Variants in AQP3 observed in about 807,000 individuals in gnomAD.
The protein encoded by AQP3 is aquaporin-3.
A neutral mutation model predicts 30.3 loss-of-function variants in AQP3; 15 were observed. The ratio of observed to expected loss-of-function variants is 0.49; its 90% confidence interval spans 0.33 to 0.76. AQP3 has a LOEUF of 0.76. Among genes scored for constraint, AQP3 ranks in the 30% least tolerant of loss-of-function variants. The pLI is 0.02. For synonymous variants in AQP3, 153 were observed against 163.2 expected (o/e 0.94, Z 0.47); for missense variants, 272 against 384.8 (o/e 0.71, Z 2.45).
intron 1 of AQP3, 115 bp downstream of exon 1, chr9:33,447,308 C>G (rs517210): frequency 0.72 from 658,574 of 921,074 alleles, 236,991 homozygotes; most frequent in Admixed American, 0.81. Flanking sequence ...GTGGGGGTCA[C>G]AGCTGGGGAG....
chr9:33,444,486 G>A (rs1433545504), intron 1 of AQP3, among the ~76,000 whole-genome samples: 1 of 151,948 alleles, frequency 6.6e-6, no homozygotes, highest in Non-Finnish European at 1.5e-5. Flanking sequence ...TGTAATCCCA[G>A]CTACTCGGGA....
Position 33,443,351 on chromosome 9 carries a change from C to T in AQP3, c.343G>A (p.Gly115Ser). Residue 115 changes from glycine (G) to serine (S), a missense_variant, in exon 3 of 6, where the codon GGT (glycine) becomes AGT (serine). Gly to Ser is a moderately conservative substitution (Grantham distance 56, BLOSUM62 0). Transcript: ENST00000297991. This position sits in a 1 kb window ranked among gnomAD's most constrained non-coding sequence, Gnocchi z 5.0. ...TACAGCCCAAAAACTATTCCAGCAC[C>T]CAAGAAGGCTCCCAGCGTCTGTGCC... is the stretch of plus-strand genomic sequence containing the variant. Reference protein sequence around the residue: ...TLAQTLGAFLGAGIVFGLYYD... With the variant: ...TLAQTLGAFLSAGIVFGLYYD... 6.3e-7 allele frequency: 1 copy of T among 1,590,626 alleles called. No individual in the cohort carries two copies. Among genetic ancestry groups the T allele is most frequent in the Non-Finnish European group, 8.6e-7 (1 of 1,168,508 alleles).
intron 1 of AQP3, among the ~76,000 whole-genome samples, chr9:33,445,215 T>C (rs1197031021): frequency 2.6e-5 from 4 of 152,210 alleles, no homozygotes; most frequent in African/African-American, 9.6e-5. Context: ...AAAGCATTGT[T>C]GCCCTGAGCC....
Position 33,447,424 on chromosome 9 carries a change from A to T in AQP3, c.107T>A (p.Val36Glu), listed in dbSNP as rs758362320. ...GCTTCCCCGGCTCCCTCCACTCACC[A>T]CCAGGATGAGGGTCCCCAGGCACTC... ...LAECLGTLILVMFGCGSVAQV... is the reference protein window; with the variant it reads ...LAECLGTLILEMFGCGSVAQV... Residue 36 changes from valine (V) to glutamate (E), a missense_variant and splice_region_variant, in exon 1 of 6, where the codon GTG becomes GAG. By Grantham distance (121) the Val-to-Glu change is moderately radical (BLOSUM62 -2). Coordinates refer to ENST00000297991, the MANE Select transcript of AQP3 (RefSeq NM_004925.5). 6 of 1,598,686 alleles carry T rather than the reference A, an allele frequency of 3.8e-6. No individual in the cohort carries two copies. Among genetic ancestry groups the T allele is most frequent in the Non-Finnish European group, 5.1e-6 (6 of 1,172,926 alleles).
Position 33,447,426 on chromosome 9 carries a change from C to A in AQP3, c.105G>T (p.Leu35=), listed in dbSNP as rs591810. 7 of 1,598,448 alleles carry A rather than the reference C, an allele frequency of 4.4e-6. No homozygotes were observed. Among genetic ancestry groups the A allele is most frequent in the Middle Eastern group, 1.7e-4 (1 of 6,044 alleles). The change falls in exon 1 of 6, where the codon CTG becomes CTT. Residue 35 remains leucine (L), a synonymous_variant. Coordinates refer to ENST00000297991, the MANE Select transcript of AQP3 (RefSeq NM_004925.5). ...TTCCCCGGCTCCCTCCACTCACCAC[C>A]AGGATGAGGGTCCCCAGGCACTCGG... ...ALAECLGTLI[L]VMFGCGSVAQ...
At chr9:33,446,253 G>A (rs1826912348) in intron 1 of AQP3, among the ~76,000 whole-genome samples, 2 of 152,162 alleles carry the variant, frequency 1.3e-5, no homozygotes, top group Non-Finnish European at 1.5e-5. Flanking sequence ...CTAATCTTAT[G>A]GGAGGCTGTG....
At chr9:33,442,679 G>A (rs116517274) in intron 4 of AQP3, 161 bp from the exon 5 acceptor site, 9 of 1,064,084 alleles carry the variant, frequency 8.5e-6, no homozygotes, top group African/African-American at 4.7e-5. Context: ...ACAAGAACCC[G>A]CTGGAGAGCC....
At position 33,442,047 on chromosome 9, in the gene AQP3, A is replaced by T. The variant is rs1242784049; in HGVS notation, c.875T>A (p.Ile292Asn). ...GGGGAGATGGCCCCTGCCCACTCAG[A>T]TCTGCTCCTTGTGCTTCACATGGGC... ...KLAHVKHKEQ[I>N] Residue 292 changes from isoleucine to asparagine, a missense_variant, in exon 6 of 6, where the codon ATC becomes AAC. Physicochemically the swap from Ile to Asn is moderately radical, Grantham distance 149 (BLOSUM62 -3). This residue lies in a region of AQP3 where 51 missense variants were observed against 51.8 expected (regional missense o/e 0.98). Transcript: ENST00000297991. 3.7e-6 allele frequency: 6 copies of T among 1,613,582 alleles called. No homozygotes were observed. The highest frequency in any genetic ancestry group is 2.2e-5 in the South Asian group (2 of 91,004).
Position 33,443,175 on chromosome 9 carries a change from CT to C in AQP3, c.373+145del, listed in dbSNP as rs1453196074. The C allele has an allele frequency of 3.1e-6, 4 of 1,309,352 alleles. No homozygotes were observed. The highest frequency in any genetic ancestry group is 4.3e-6 in the Non-Finnish European group (4 of 934,996). The allele number at this position is 1,309,352 out of a possible 1,614,324, so 81.1% of individuals were successfully genotyped here. A position where few individuals can be genotyped will look rare whatever the true frequency, so the allele number is the denominator to read the frequency against. On this transcript the variant is annotated intron_variant, in intron 3 of 5. Transcript: ENST00000297991. This position sits in a 1 kb window ranked among gnomAD's most constrained non-coding sequence, Gnocchi z 5.0. ...ACTTGTTTCTTTCCCTTCGTGCCCC[CT>C]ACCTTGACCCTGTGCGTGAATGAGT...
rs764153051 is a variant in AQP3, at chr9:33,442,407, T to C, written c.604A>G (p.Ile202Val). Residue 202 changes from isoleucine to valine, a missense_variant, in exon 5 of 6, where the codon ATT (isoleucine) becomes GTT (valine). This residue lies in a region of AQP3 where 170 missense variants were observed against 286.4 expected (regional missense o/e 0.59). Transcript: ENST00000297991. ...AFTVGLVVLVIGTSMGFNSGY... is the reference protein window; with the variant it reads ...AFTVGLVVLVVGTSMGFNSGY... ...GAGTTGAAGCCCATGGAGGTGCCAA[T>C]GACCAGGACCACCAGGCCCACGGTG... 6.2e-7 allele frequency: 1 copy of C among 1,611,896 alleles called. No homozygotes were observed. Among genetic ancestry groups the C allele is most frequent in the Non-Finnish European group, 8.5e-7 (1 of 1,179,372 alleles).
In AQP3 at chr9:33,443,219, C is replaced by T; in HGVS notation, c.373+102G>A. On this transcript the variant is annotated intron_variant, in intron 3 of 5. Transcript: ENST00000297991. This position sits in a 1 kb window ranked among gnomAD's most constrained non-coding sequence, Gnocchi z 5.0. ...GAATGAGTGAGTCATGAGCCCGGGG[C>T]CTGGGCAGGTCCTAGCCGTCTGTCA... 1 of 1,488,128 alleles carries T rather than the reference C, an allele frequency of 6.7e-7. No homozygotes were observed. 92.2% of individuals were successfully genotyped at this position (1,488,128 alleles called of 1,614,324 possible).
Position 33,442,049 on chromosome 9 carries a change from C to A in AQP3, c.873G>T (p.Gln291His). The A allele has an allele frequency of 6.2e-7, 1 of 1,613,676 alleles. No homozygotes were observed. The highest frequency in any genetic ancestry group is 8.5e-7 in the Non-Finnish European group (1 of 1,179,938). The change falls in exon 6 of 6, where the codon CAG becomes CAT. Residue 291 changes from glutamine to histidine, a missense_variant. Physicochemically the swap from Gln to His is conservative, Grantham distance 24. Transcript: ENST00000297991. ...GGAGATGGCCCCTGCCCACTCAGAT[C>A]TGCTCCTTGTGCTTCACATGGGCCA... ...VKLAHVKHKE[Q>H]I is the part of the protein sequence containing the mutation.
Position 33,447,449 on chromosome 9 carries a change from C to T in AQP3, c.82G>A (p.Glu28Lys). Residue 28 changes from glutamate (E) to lysine (K), a missense_variant, in exon 1 of 6, where the codon GAG becomes AAG. Glu to Lys is a moderately conservative substitution (Grantham distance 56, BLOSUM62 1). Transcript: ENST00000297991. Reference protein sequence around the residue: ...RYRLLRQALAECLGTLILVMF... With the variant: ...RYRLLRQALAKCLGTLILVMF... ...ACCAGGATGAGGGTCCCCAGGCACT[C>T]GGCCAGCGCCTGTCGGAGCAGCCGG... The T allele has an allele frequency of 6.2e-7, 1 of 1,606,784 alleles. No homozygotes were observed. Among genetic ancestry groups the T allele is most frequent in the Non-Finnish European group, 8.5e-7 (1 of 1,177,292 alleles).
In AQP3 at chr9:33,443,929, C is replaced by A. The variant is rs1485059923; in HGVS notation, c.109-37G>T. The A allele has an allele frequency of 6.2e-7, 1 of 1,605,608 alleles. No homozygotes were observed. Among genetic ancestry groups the A allele is most frequent in the Non-Finnish European group, 8.5e-7 (1 of 1,175,050 alleles). On this transcript the variant is annotated intron_variant, in intron 1 of 5. Coordinates refer to ENST00000297991, the MANE Select transcript of AQP3 (RefSeq NM_004925.5). The surrounding 1 kb of genome is among the most constrained non-coding windows in gnomAD (Gnocchi z 5.0). ...AAGAACAGGCAGGGAGGGTGAGGAC[C>A]AGCAACTCTCACTCCAGAAGGAAGG...
At chr9:33,447,330 C>T in intron 1 of AQP3, 93 bp downstream of exon 1, 1 of 1,178,500 alleles carries the variant, frequency 8.5e-7, no homozygotes, top group Non-Finnish European at 1.2e-6. Context: ...TGGGTCCAGG[C>T]TACCTTGGAA....
chr9:33,442,902 C>T lies in AQP3; in HGVS notation c.442G>A (p.Ala148Thr). 1 of 1,614,204 alleles carries T rather than the reference C, an allele frequency of 6.2e-7. No individual in the cohort carries two copies. The change falls in exon 4 of 6, where the codon GCT becomes ACT. Residue 148 changes from alanine to threonine, a missense_variant. Ala to Thr is a moderately conservative substitution (Grantham distance 58). This residue lies in a region of AQP3 where 170 missense variants were observed against 286.4 expected (regional missense o/e 0.59). Coordinates refer to ENST00000297991, the MANE Select transcript of AQP3 (RefSeq NM_004925.5). ...SGPNGTAGIF[A>T]TYPSGHLDMI... ...TCCAAGTGTCCAGAGGGGTAGGTAGCAAAGATGCCGGCTGTGCCATTGGGG... is the reference window on the plus strand; with the variant it reads ...TCCAAGTGTCCAGAGGGGTAGGTAGTAAAGATGCCGGCTGTGCCATTGGGG...
In AQP3 at chr9:33,443,407, T is replaced by A; in HGVS notation, c.287A>T (p.Glu96Val). The change falls in exon 3 of 6, where the codon GAG becomes GTG. Residue 96 changes from glutamate (E) to valine (V), a missense_variant. Transcript: ENST00000297991. This position sits in a 1 kb window ranked among gnomAD's most constrained non-coding sequence, Gnocchi z 5.0. ...GTAGATGGGCAGCTTGATCCAGGGC[T>A]CACGAGCCAGGAAGCACATGGCAAA... is the stretch of plus-strand genomic sequence containing the variant. Reference protein sequence around the residue: ...VTFAMCFLAREPWIKLPIYTL... With the variant: ...VTFAMCFLARVPWIKLPIYTL... 1.2e-6 allele frequency: 2 copies of A among 1,609,110 alleles called. No individual in the cohort carries two copies. Among genetic ancestry groups the A allele is most frequent in the Non-Finnish European group, 1.7e-6 (2 of 1,178,042 alleles).
intron 4 of AQP3, 57 bp from the exon 5 acceptor site, chr9:33,442,575 C>A: frequency 6.7e-7 from 1 of 1,496,644 alleles, no homozygotes; most frequent in South Asian, 1.2e-5. Flanking sequence ...CTGACCCCTC[C>A]TTCCATCCCC....
intron 1 of AQP3, 107 bp downstream of exon 1, chr9:33,447,316 G>T: frequency 3.1e-6 from 3 of 983,006 alleles, no homozygotes; most frequent in Non-Finnish European, 4.8e-6. Flanking sequence ...CACAGCTGGG[G>T]AGGTGGGTCC....
Sources: allele counts gnomAD v4.1 joint callset (sites outside exome capture counted in the v4.1 genomes callset), GRCh38; gene constraint gnomAD v4.1.1; regional missense constraint gnomAD v4.1.1; non-coding constraint Gnocchi (gnomAD v3.1); transcripts MANE v1.5; gene names NCBI Gene and HGNC (gene_info 2026-07-23, HGNC 2026-07-21).